Variants in SPTB observed in about 807,000 individuals in gnomAD.
SPTB encodes spectrin beta, erythrocytic.
SPTB carries 45 observed loss-of-function variants against 256.2 expected under a neutral mutation model. That is an observed-to-expected ratio of 0.18 (90% CI 0.14 to 0.23). The LOEUF (loss-of-function observed/expected upper bound fraction) is 0.23, where lower values mean the gene tolerates loss of function less well. SPTB is among the 10% of genes least tolerant of loss of function. The pLI is 1.00. For synonymous variants in SPTB, 1,231 were observed against 1,243.1 expected (o/e 0.99, Z 0.21); for missense variants, 2,715 against 3,040.4 (o/e 0.89, Z 2.52).
In SPTB at chr14:64,749,492, CGGT is replaced by C. The variant is rs2081908588; in HGVS notation, c.6820-22_6820-20del. 1.3e-6 allele frequency: 2 copies of C among 1,598,336 alleles called. No individual in the cohort carries two copies. Among genetic ancestry groups the C allele is most frequent in the Admixed American group, 3.3e-5 (2 of 59,804 alleles). ...TCTCCTCCTGCGGGGCGGAGGGTCA[CGGT>C]GGAGTCTGGAGGCCCACAGCCCCCC... On this transcript the variant is annotated intron_variant, in intron 35 of 35. Coordinates refer to ENST00000644917, the MANE Select transcript of SPTB (RefSeq NM_001355436.2). This position sits in a 1 kb window ranked among gnomAD's most constrained non-coding sequence, Gnocchi z 4.7.
At chr14:64,864,416 T>C (rs1350297128) in intron 1 of SPTB, among the ~76,000 whole-genome samples, 1 of 152,132 alleles carries the variant, frequency 6.6e-6, no homozygotes, top group Non-Finnish European at 1.5e-5. Flanking sequence ...ATCACTGTGC[T>C]TCAGCCTGGG....
At chr14:64,788,335 C>A (rs765738118) in intron 15 of SPTB, among the ~76,000 whole-genome samples, 1 of 152,162 alleles carries the variant, frequency 6.6e-6, no homozygotes, top group South Asian at 2.1e-4. Context: ...AGGAGATGGA[C>A]TGGACAGAGA....
chr14:64,849,081 G>T (rs1445551630), intron 1 of SPTB, among the ~76,000 whole-genome samples: 1 of 152,168 alleles, frequency 6.6e-6, no homozygotes, highest in African/African-American at 2.4e-5. Flanking sequence ...CCCTGAATAG[G>T]TTAAGTAGGT....
intron 2 of SPTB, among the ~76,000 whole-genome samples, chr14:64,813,934 A>G (rs1299016784): frequency 2.0e-5 from 3 of 152,252 alleles, no homozygotes. Context: ...CACATCATAA[A>G]TGATGATGGC....
intron 1 of SPTB, among the ~76,000 whole-genome samples, chr14:64,839,555 T>G (rs1305379378): frequency 6.6e-6 from 1 of 152,200 alleles, no homozygotes; most frequent in Non-Finnish European, 1.5e-5. Flanking sequence ...TGAATTTTAC[T>G]GTATGTAAAT....
intron 33 of SPTB, chr14:64,752,182 G>A: frequency 7.4e-7 from 1 of 1,344,040 alleles, no homozygotes. Context: ...ACTGATAACA[G>A]GTGGGCTAGC....
In SPTB at chr14:64,775,478, A is replaced by G. The variant is rs1483511481; in HGVS notation, c.4564-75T>C. 4 of 1,541,268 alleles carry G rather than the reference A, an allele frequency of 2.6e-6. No individual in the cohort carries two copies. In the African/African-American group the frequency reaches 4.1e-5, roughly 16 times the overall value. ...GAGGCTGCTTCAGCAGTGGCAGCAC[A>G]GCTCTGACACCCTTGGTCCCTCTCA... On this transcript the variant is annotated intron_variant, in intron 22 of 35. Coordinates refer to ENST00000644917, the MANE Select transcript of SPTB (RefSeq NM_001355436.2). This position sits in a 1 kb window ranked among gnomAD's most constrained non-coding sequence, Gnocchi z 5.0.
chr14:64,750,879 A>AAT (rs1191833991), intron 33 of SPTB, among the ~76,000 whole-genome samples: 17 of 146,034 alleles, frequency 1.2e-4, no homozygotes, highest in Non-Finnish European at 1.5e-5. Context: ...TATTATGTAT[A>AAT]ATATATATTT....
Position 64,825,165 on chromosome 14 carries a change from G to A in SPTB, c.-51-2020C>T, listed in dbSNP as rs1346228869. On this transcript the variant is annotated intron_variant, in intron 1 of 35. Transcript: ENST00000644917. This position sits in a 1 kb window ranked among gnomAD's most constrained non-coding sequence, Gnocchi z 4.8. ...ACAGTTTGTTCCCCTCAATCAGAAG[G>A]GTTTCAGGAGGGCAGGTGGGGAAAG... Among the ~76,000 whole-genome samples, 1 of 152,070 alleles carries A rather than the reference G, an allele frequency of 6.6e-6. No individual in the cohort carries two copies. The highest frequency in any genetic ancestry group is 1.5e-5 in the Non-Finnish European group (1 of 68,014).
At chr14:64,863,930 A>C (rs1358636726) in intron 1 of SPTB, among the ~76,000 whole-genome samples, 1 of 152,210 alleles carries the variant, frequency 6.6e-6, no homozygotes, top group Non-Finnish European at 1.5e-5. Flanking sequence ...CACTGAATGG[A>C]CTATTGTGAG....
chr14:64,856,121 AAAAG>A, intron 1 of SPTB, among the ~76,000 whole-genome samples: 1 of 152,248 alleles, frequency 6.6e-6, no homozygotes, highest in East Asian at 1.9e-4. Flanking sequence ...GAGGTTTCAG[AAAAG>A]AAAGCAATGT....
intron 2 of SPTB, among the ~76,000 whole-genome samples, chr14:64,810,833 G>A (rs2083075156): frequency 1.3e-5 from 2 of 152,150 alleles, no homozygotes; most frequent in South Asian, 4.1e-4. Context: ...TGTTTGTGTT[G>A]GACCAGGCAT....
intron 1 of SPTB, among the ~76,000 whole-genome samples, chr14:64,836,463 G>A (rs892502561): frequency 1.6e-4 from 24 of 151,970 alleles, no homozygotes; most frequent in Admixed American, 1.4e-3. Context: ...AGTGTCTCTC[G>A]GTACTGAGTT....
chr14:64,817,108 A>G (rs2083206159), intron 2 of SPTB, among the ~76,000 whole-genome samples: 1 of 152,212 alleles, frequency 6.6e-6, no homozygotes, highest in Non-Finnish European at 1.5e-5. Context: ...GTTCTGAGAG[A>G]GGAAGAATAG....
In SPTB at chr14:64,800,738, T is replaced by C. The variant is rs2082867979; in HGVS notation, c.876+18A>G. 3 of 1,608,656 alleles carry C rather than the reference T, an allele frequency of 1.9e-6. No individual in the cohort carries two copies. The highest frequency in any genetic ancestry group is 2.2e-5 in the East Asian group (1 of 44,848). On this transcript the variant is annotated intron_variant, in intron 8 of 35. Coordinates refer to ENST00000644917, the MANE Select transcript of SPTB (RefSeq NM_001355436.2). ...AAACAGGGGAAGAGTGACACTTTGG[T>C]TCCAAAACAGCTTGTACCTTGCCGA...
chr14:64,759,374 C>A lies in SPTB; in HGVS notation c.6346-5581G>T, dbSNP rs1372283089. Among the ~76,000 whole-genome samples the A allele has an allele frequency of 6.6e-6, 1 of 152,208 alleles. No individual in the cohort carries two copies. Reference sequence around the variant, plus strand: ...TTTCTAGGCCAGATCCATCAAGGACCTCCCAGCTCACCAGCTGAACCATCC... The same window carrying A: ...TTTCTAGGCCAGATCCATCAAGGACATCCCAGCTCACCAGCTGAACCATCC... On this transcript the variant is annotated intron_variant, in intron 32 of 35. Transcript: ENST00000644917. This position sits in a 1 kb window ranked among gnomAD's most constrained non-coding sequence, Gnocchi z 4.8.
Position 64,799,731 on chromosome 14 carries a change from G to A in SPTB, c.1064+16C>T. 3 of 1,613,906 alleles carry A rather than the reference G, an allele frequency of 1.9e-6. No individual in the cohort carries two copies. The highest frequency in any genetic ancestry group is 2.5e-6 in the Non-Finnish European group (3 of 1,179,990). On this transcript the variant is annotated intron_variant, in intron 9 of 35. Coordinates refer to ENST00000644917, the MANE Select transcript of SPTB (RefSeq NM_001355436.2). Reference sequence around the variant, plus strand: ...CAGCCACTGAGGACCACCCTCCCATGTGCCAGGGCCCTTACTTGGGCGGCT... The same window carrying A: ...CAGCCACTGAGGACCACCCTCCCATATGCCAGGGCCCTTACTTGGGCGGCT...
In SPTB at chr14:64,795,208, A is replaced by C. The variant is rs2082744116; in HGVS notation, c.1644+129T>G. The C allele has an allele frequency of 3.6e-6, 4 of 1,114,180 alleles. No individual in the cohort carries two copies. The highest frequency in any genetic ancestry group is 5.1e-6 in the Non-Finnish European group (4 of 786,244). The allele number at this position is 1,114,180 out of a possible 1,614,324, so 69.0% of individuals were successfully genotyped here. A position where few individuals can be genotyped will look rare whatever the true frequency, so the allele number is the denominator to read the frequency against. ...GTGCAGCTAGACACTTTGCTGCCTC[A>C]GTTTCTCTATTTTGACTCAGAGATA... On this transcript the variant is annotated intron_variant, in intron 12 of 35. Transcript: ENST00000644917. The surrounding 1 kb of genome is among the most constrained non-coding windows in gnomAD (Gnocchi z 6.5).
chr14:64,827,357 G>T lies in SPTB; in HGVS notation c.-51-4212C>A, dbSNP rs1036270962. 1.2e-4 allele frequency among the ~76,000 whole-genome samples: 19 copies of T among 152,212 alleles called. No homozygotes were observed. The highest frequency in any genetic ancestry group is 4.3e-4 in the African/African-American group (18 of 41,446). On this transcript the variant is annotated intron_variant, in intron 1 of 35. Coordinates refer to ENST00000644917, the MANE Select transcript of SPTB (RefSeq NM_001355436.2). This position sits in a 1 kb window ranked among gnomAD's most constrained non-coding sequence, Gnocchi z 4.6. ...ACGCAGGGCTGAGGAGCAGGCTGTT[G>T]AAATAGCAAGGACACTGTCTTTCTT...
Sources: allele counts gnomAD v4.1 joint callset (sites outside exome capture counted in the v4.1 genomes callset), GRCh38; gene constraint gnomAD v4.1.1; non-coding constraint Gnocchi (gnomAD v3.1); transcripts MANE v1.5; gene names NCBI Gene and HGNC (gene_info 2026-07-23, HGNC 2026-07-21).